Variants in DISP1 observed in about 807,000 individuals in gnomAD.
DISP1 encodes the protein dispatched RND transporter family member 1, also known as protein dispatched homolog 1.
In DISP1, 30 loss-of-function variants were observed where a neutral mutation model predicts 37.3. The observed-to-expected ratio is 0.80, with a 90% CI of 0.60 to 1.09. The LOEUF (loss-of-function observed/expected upper bound fraction) is 1.09. DISP1 is among the 50% of genes least tolerant of loss of function. The probability of loss-of-function intolerance (pLI) is 0.00; values close to 1 mark genes in which losing one functional copy is unlikely to be tolerated. For synonymous variants in DISP1, 634 were observed against 690.2 expected (o/e 0.92, Z 1.28); for missense variants, 1,598 against 1,879.5 (o/e 0.85, Z 2.77).
intron 3 of DISP1, among the ~76,000 whole-genome samples, chr1:222,973,487 G>A (rs1572665284): frequency 1.3e-5 from 2 of 152,084 alleles, no homozygotes; most frequent in Non-Finnish European, 2.9e-5. Flanking sequence ...CAGTGTATGT[G>A]TATGTATATG....
Position 222,823,445 on chromosome 1 carries a change from A to G in DISP1, c.-159+8367A>G, listed in dbSNP as rs189595639. On this transcript the variant is annotated intron_variant, in intron 1 of 8. Transcript: ENST00000675850. ...GAAATAACTTAGAAAGTCAAATACT[A>G]CATGTTCTCACTTATAAGTGCTAAA... Among the ~76,000 whole-genome samples the G allele has an allele frequency of 3.9e-5, 6 of 152,342 alleles. No homozygotes were observed. In the East Asian group the frequency reaches 1.2e-3, roughly 29 times the overall value.
chr1:222,885,275 A>G (rs1198829467), intron 1 of DISP1, among the ~76,000 whole-genome samples: 1 of 152,048 alleles, frequency 6.6e-6, no homozygotes, highest in Admixed American at 6.5e-5. Flanking sequence ...TTATAATCCA[A>G]TACTGTTATT....
intron 1 of DISP1, among the ~76,000 whole-genome samples, chr1:222,860,615 G>A (rs541151246): frequency 1.3e-5 from 2 of 152,102 alleles, no homozygotes; most frequent in South Asian, 2.1e-4. Flanking sequence ...GGCCGGGTGC[G>A]GTCGCTCACG....
intron 1 of DISP1, among the ~76,000 whole-genome samples, chr1:222,881,384 GGA>G (rs1670265107): frequency 1.3e-5 from 2 of 152,112 alleles, no homozygotes; most frequent in Admixed American, 1.3e-4. Context: ...TAGTAGAGAC[GGA>G]GTTTCTCCAT....
intron 4 of DISP1, among the ~76,000 whole-genome samples, chr1:222,989,841 C>T (rs536772945): frequency 4.6e-5 from 7 of 151,036 alleles, no homozygotes; most frequent in Admixed American, 6.6e-5. Flanking sequence ...CTAGCTCTGT[C>T]GCCCAGGCTG....
At chr1:222,992,857 A>G (rs1678795628) in intron 7 of DISP1, among the ~76,000 whole-genome samples, 2 of 87,446 alleles carry the variant, frequency 2.3e-5, no homozygotes, top group Admixed American at 1.3e-4. Context: ...GAGGTCAAAA[A>G]CCCAGAATTT....
intron 1 of DISP1, among the ~76,000 whole-genome samples, chr1:222,878,438 T>C (rs1670091373): frequency 6.6e-6 from 1 of 152,234 alleles, no homozygotes; most frequent in Non-Finnish European, 1.5e-5. Context: ...ATATTGGTTG[T>C]ACATACTGGA....
In DISP1 at chr1:223,004,693, C is replaced by T. The variant is rs772292374; in HGVS notation, c.3296C>T (p.Pro1099Leu). Residue 1099 changes from proline to leucine, a missense_variant, in exon 9 of 9, where the codon CCC (proline) becomes CTC (leucine). Transcript: ENST00000675850. The surrounding 1 kb of genome is among the most constrained non-coding windows in gnomAD (Gnocchi z 4.9). ...TTFVAGAMMM[P>L]STVLAYTQLG... ...TTCGTGGCAGGGGCCATGATGATGC[C>T]CTCCACAGTTCTAGCTTACACCCAG... 4.7e-5 allele frequency: 76 copies of T among 1,613,942 alleles called. No homozygotes were observed. The highest frequency in any genetic ancestry group is 6.3e-5 in the Non-Finnish European group (74 of 1,180,046).
rs1002698652 is a variant in DISP1, at chr1:222,921,373, A to T, written c.-158-7057A>T. 3.3e-5 allele frequency among the ~76,000 whole-genome samples: 5 copies of T among 152,198 alleles called. No homozygotes were observed. The East Asian group carries it at 9.6e-4, about 29-fold the overall frequency. On this transcript the variant is annotated intron_variant, in intron 1 of 8. Transcript: ENST00000675850. ...ACAGACTTATACTTAATGACTCACT[A>T]TAAGTGAAAACTCTTTATTTTTTTT...
intron 1 of DISP1, among the ~76,000 whole-genome samples, chr1:222,901,717 G>A (rs1671596955): frequency 6.6e-6 from 1 of 152,086 alleles, no homozygotes; most frequent in Non-Finnish European, 1.5e-5. Flanking sequence ...CAGTAGAGAC[G>A]GGGTTTCACC....
At chr1:222,926,113 A>G (rs1212882742) in intron 1 of DISP1, among the ~76,000 whole-genome samples, 2 of 152,030 alleles carry the variant, frequency 1.3e-5, no homozygotes, top group African/African-American at 4.8e-5. Flanking sequence ...CCCAGCAACC[A>G]CTAACCTACA....
Position 223,002,527 on chromosome 1 carries a change from A to G in DISP1, c.1130A>G (p.His377Arg), listed in dbSNP as rs1452239200. Reference sequence around the variant, plus strand: ...AAAATAGTTGAGCGAGACGTTTCTCATACCTTGAAGCTGCTTCGGACTTGT... The same window carrying G: ...AAAATAGTTGAGCGAGACGTTTCTCGTACCTTGAAGCTGCTTCGGACTTGT... ...CQKIVERDVS[H>R]TLKLLRTCAK... The change falls in exon 9 of 9, where the codon CAT becomes CGT. Residue 377 changes from histidine (H) to arginine (R), a missense_variant. Coordinates refer to ENST00000675850, the MANE Select transcript of DISP1 (RefSeq NM_001377229.1). The G allele has an allele frequency of 4.3e-6, 7 of 1,614,094 alleles. No individual in the cohort carries two copies. Among genetic ancestry groups the G allele is most frequent in the African/African-American group, 2.7e-5 (2 of 74,930 alleles).
chr1:222,927,558 T>G (rs1451437240), intron 1 of DISP1, among the ~76,000 whole-genome samples: 1 of 152,194 alleles, frequency 6.6e-6, no homozygotes, highest in African/African-American at 2.4e-5. Flanking sequence ...AGTCCAATTT[T>G]ATCTTTTTTC....
At chr1:222,904,038 A>G (rs1038759140) in intron 1 of DISP1, among the ~76,000 whole-genome samples, 7 of 152,218 alleles carry the variant, frequency 4.6e-5, no homozygotes, top group Non-Finnish European at 1.0e-4. Flanking sequence ...TACTCCTGCC[A>G]TTCAAATTCC....
intron 1 of DISP1, among the ~76,000 whole-genome samples, chr1:222,910,493 GA>G (rs1326988867): frequency 6.6e-6 from 1 of 152,144 alleles, no homozygotes; most frequent in East Asian, 1.9e-4. Context: ...CACTCAGTAG[GA>G]AAAAATGTCC....
Position 222,991,574 on chromosome 1 carries a change from A to G in DISP1, c.718A>G (p.Met240Val). The change falls in exon 6 of 9, where the codon ATG becomes GTG. Residue 240 changes from methionine to valine, a missense_variant. Met to Val is a conservative substitution (Grantham distance 21, BLOSUM62 1). Coordinates refer to ENST00000675850, the MANE Select transcript of DISP1 (RefSeq NM_001377229.1). ...IGQRLVTWNN[M>V]VKNTGYKATL... Reference sequence around the variant, plus strand: ...CCAGAGATTGGTCACATGGAATAATATGGTGAAAAATACAGGATACAAAGC... The same window carrying G: ...CCAGAGATTGGTCACATGGAATAATGTGGTGAAAAATACAGGATACAAAGC... 6.2e-7 allele frequency: 1 copy of G among 1,613,936 alleles called. No individual in the cohort carries two copies. Among genetic ancestry groups the G allele is most frequent in the Non-Finnish European group, 8.5e-7 (1 of 1,179,868 alleles).
At chr1:222,820,085 T>C (rs1315271155) in intron 1 of DISP1, among the ~76,000 whole-genome samples, 6 of 152,194 alleles carry the variant, frequency 3.9e-5, no homozygotes, top group Non-Finnish European at 8.8e-5. Flanking sequence ...CCAGATCTCC[T>C]TGTTTTCAAT....
At chr1:222,960,185 C>T (rs548945435) in intron 3 of DISP1, among the ~76,000 whole-genome samples, 7 of 152,302 alleles carry the variant, frequency 4.6e-5, no homozygotes, top group African/African-American at 1.7e-4. Context: ...CTTTTCAGTG[C>T]CACATGGCAC....
intron 1 of DISP1, among the ~76,000 whole-genome samples, chr1:222,839,964 T>C (rs1347896318): frequency 2.6e-5 from 4 of 151,882 alleles, no homozygotes; most frequent in African/African-American, 9.7e-5. Flanking sequence ...ACACCTAGCT[T>C]AATGAAGCCT....
Sources: gnomAD v4.1 joint callset for allele counts (sites outside exome capture counted in the v4.1 genomes callset) on GRCh38, gnomAD v4.1.1 for gene constraint, Gnocchi (gnomAD v3.1) non-coding constraint, MANE v1.5 for transcripts, NCBI Gene and HGNC (gene_info 2026-07-23, HGNC 2026-07-21) for gene names.